The following GABRB3 variants were observed in gnomAD, a reference collection of about 807,000 sequenced individuals.
GABRB3 encodes gamma-aminobutyric acid type A receptor subunit beta3.
In GABRB3, 14 loss-of-function variants were observed where a neutral mutation model predicts 52.1. The ratio of observed to expected loss-of-function variants is 0.27; its 90% confidence interval spans 0.18 to 0.42. The LOEUF (loss-of-function observed/expected upper bound fraction) is 0.42, where lower values mean the gene tolerates loss of function less well. Among genes scored for constraint, GABRB3 ranks in the 10% least tolerant of loss-of-function variants. GABRB3 has a pLI of 1.00. For missense variants in GABRB3, 307 were observed against 609.1 expected (o/e 0.50, Z 5.22); for synonymous variants, 260 against 232.3 (o/e 1.12, Z -1.08).
intron 3 of GABRB3, among the ~76,000 whole-genome samples, chr15:26,731,996 C>T (rs945168218): frequency 4.6e-5 from 7 of 151,974 alleles, no homozygotes; most frequent in East Asian, 3.9e-4. Context: ...GACAGATGGA[C>T]GCGTGGACAG....
intron 3 of GABRB3, among the ~76,000 whole-genome samples, chr15:26,659,295 G>A (rs557577096): frequency 6.6e-6 from 1 of 152,352 alleles, no homozygotes; most frequent in South Asian, 2.1e-4. Context: ...GGCTGAGGCA[G>A]GTGGATCACT....
intron 3 of GABRB3, among the ~76,000 whole-genome samples, chr15:26,756,119 T>C (rs1310648036): frequency 6.6e-6 from 1 of 152,166 alleles, no homozygotes; most frequent in Non-Finnish European, 1.5e-5. Context: ...TACATCCAAA[T>C]GTATTCACAT....
chr15:26,622,058 T>A (rs1892504003), intron 3 of GABRB3, among the ~76,000 whole-genome samples: 1 of 152,120 alleles, frequency 6.6e-6, no homozygotes, highest in Non-Finnish European at 1.5e-5. Flanking sequence ...GTGGGAGGTC[T>A]CCATGCCCTA....
At chr15:26,559,442 C>G (rs1056431841) in intron 8 of GABRB3, among the ~76,000 whole-genome samples, 1 of 152,026 alleles carries the variant, frequency 6.6e-6, no homozygotes, top group African/African-American at 2.4e-5. Context: ...TGTAAATTTC[C>G]CAGTCTCAGG....
At chr15:26,663,543 G>A (rs976305891) in intron 3 of GABRB3, among the ~76,000 whole-genome samples, 1 of 152,098 alleles carries the variant, frequency 6.6e-6, no homozygotes, top group Non-Finnish European at 1.5e-5. Flanking sequence ...AAAAGTTAGT[G>A]CCTGCATAAT....
intron 3 of GABRB3, among the ~76,000 whole-genome samples, chr15:26,644,746 G>A (rs879441054): frequency 6.6e-6 from 1 of 152,192 alleles, no homozygotes; most frequent in Non-Finnish European, 1.5e-5. Context: ...GTGTTGGGGA[G>A]AAATTTAAGC....
intron 4 of GABRB3, among the ~76,000 whole-genome samples, chr15:26,593,882 C>A (rs1015324729): frequency 6.6e-6 from 1 of 151,054 alleles, no homozygotes; most frequent in Non-Finnish European, 1.5e-5. Context: ...AACCACCATA[C>A]TGCTTTCCAC....
At chr15:26,712,351 C>A (rs1889326549) in intron 3 of GABRB3, among the ~76,000 whole-genome samples, 1 of 151,968 alleles carries the variant, frequency 6.6e-6, no homozygotes, top group African/African-American at 2.4e-5. Context: ...ATGTGGTTTT[C>A]TCTGGTTACT....
intron 3 of GABRB3, among the ~76,000 whole-genome samples, chr15:26,638,123 A>G (rs186792714): frequency 1.1e-4 from 17 of 152,222 alleles, no homozygotes; most frequent in South Asian, 2.1e-4. Flanking sequence ...TTGGTAGTCA[A>G]TCATATTTCT....
chr15:26,773,708 A>G (rs777440667), upstream of GABRB3: 12 of 1,570,386 alleles, frequency 7.6e-6, no homozygotes, highest in East Asian at 2.6e-4. Flanking sequence ...CAGGAGCTCC[A>G]GGAGCCCGGA....
intron 4 of GABRB3, among the ~76,000 whole-genome samples, chr15:26,588,713 T>C (rs1294317872): frequency 6.6e-6 from 1 of 152,198 alleles, no homozygotes; most frequent in African/African-American, 2.4e-5. Flanking sequence ...TATATACATA[T>C]ATATTCATAA....
intron 3 of GABRB3, chr15:26,629,184 G>A (rs771410774): frequency 9.1e-5 from 134 of 1,470,640 alleles, no homozygotes; most frequent in Non-Finnish European, 1.1e-4. Flanking sequence ...CCCGGGAGAC[G>A]GAGGGCTTTG....
intron 3 of GABRB3, among the ~76,000 whole-genome samples, chr15:26,660,727 G>A (rs1260026563): frequency 6.6e-6 from 1 of 152,184 alleles, no homozygotes; most frequent in Non-Finnish European, 1.5e-5. Flanking sequence ...CACCTGCAAA[G>A]TGAGACAGAA....
chr15:26,752,904 T>G (rs151243753), intron 3 of GABRB3, among the ~76,000 whole-genome samples: 74 of 152,306 alleles, frequency 4.9e-4, no homozygotes, highest in African/African-American at 1.8e-3. Flanking sequence ...AATGCTTTCC[T>G]TGAAGATTAG....
At chr15:26,661,960 A>G (rs1180691952) in intron 3 of GABRB3, among the ~76,000 whole-genome samples, 1 of 152,190 alleles carries the variant, frequency 6.6e-6, no homozygotes, top group African/African-American at 2.4e-5. Flanking sequence ...GCATTATATA[A>G]CAGACACTGA....
intron 3 of GABRB3, among the ~76,000 whole-genome samples, chr15:26,667,254 G>A (rs1887745695): frequency 6.6e-6 from 1 of 152,216 alleles, no homozygotes; most frequent in Admixed American, 6.5e-5. Context: ...CCCGAGGAGT[G>A]AACTGCCAAG....
At chr15:26,551,019 G>A (rs991474537) in intron 8 of GABRB3, among the ~76,000 whole-genome samples, 1 of 152,190 alleles carries the variant, frequency 6.6e-6, no homozygotes, top group Non-Finnish European at 1.5e-5. Flanking sequence ...GAAATATTTT[G>A]AGAAAGGCAA....
chr15:26,642,656 T>C (rs946505833), intron 3 of GABRB3: 5 of 446,846 alleles, frequency 1.1e-5, no homozygotes, highest in Non-Finnish European at 1.8e-5. Context: ...TATGTAAGTG[T>C]ACCCCCCCGC....
At chr15:26,769,455 C>A (rs1447440710) in intron 3 of GABRB3, among the ~76,000 whole-genome samples, 2 of 152,128 alleles carry the variant, frequency 1.3e-5, no homozygotes. Flanking sequence ...AAACCTTTAC[C>A]ATTTATAGGC....
Sources: allele counts gnomAD v4.1 joint callset (sites outside exome capture counted in the v4.1 genomes callset), GRCh38; gene constraint gnomAD v4.1.1; transcripts MANE v1.5; gene names NCBI Gene and HGNC (gene_info 2026-07-23, HGNC 2026-07-21).